The following LONRF2 variants were observed in gnomAD, a reference collection of about 807,000 sequenced individuals.
LONRF2 encodes the protein LON peptidase N-terminal domain and ring finger 2.
In LONRF2, 35 loss-of-function variants were observed where a neutral mutation model predicts 66.6. The observed-to-expected ratio is 0.53, with a 90% CI of 0.40 to 0.70. The LOEUF (loss-of-function observed/expected upper bound fraction) is 0.70, where lower values mean the gene tolerates loss of function less well. Ranked by LOEUF, LONRF2 falls within the 30% of genes least tolerant of loss-of-function variation. LONRF2 has a pLI of 0.00. For synonymous variants in LONRF2, 417 were observed against 418.1 expected, an observed-to-expected ratio of 1.00 and a Z score of 0.03; for missense variants, 902 against 1,002.1, an observed-to-expected ratio of 0.90 and a Z score of 1.35.
intron 11 of LONRF2, 85 bp downstream of exon 11, chr2:100,286,829 T>C (rs2105714412): frequency 6.7e-7 from 1 of 1,482,654 alleles, no homozygotes; most frequent in Non-Finnish European, 9.1e-7. Context: ...ACCAGCATCA[T>C]ACTGCCAAGC....
chr2:100,312,663 C>T (rs1381725028), intron 1 of LONRF2, among the ~76,000 whole-genome samples: 1 of 152,196 alleles, frequency 6.6e-6, no homozygotes, highest in Non-Finnish European at 1.5e-5. Flanking sequence ...AGCCAAAAGG[C>T]CAAGAAACAA....
In LONRF2 at chr2:100,282,878, A is replaced by G. The variant is rs1337592917; in HGVS notation, c.*1420T>C. ...ATCTACTGAAAACTAAAGAAAAATT[A>G]ATAATATTATAAAGTCTTTCTAATA... On this transcript the variant is annotated 3_prime_UTR_variant, in exon 12 of 12. Coordinates refer to ENST00000393437, the MANE Select transcript of LONRF2 (RefSeq NM_198461.4). 3.3e-5 allele frequency: 5 copies of G among 151,018 alleles called. No individual in the cohort carries two copies. Among genetic ancestry groups the G allele is most frequent in the Non-Finnish European group, 5.9e-5 (4 of 67,892 alleles). The allele number at this position is 151,018 out of a possible 1,614,324, so 9.4% of individuals were successfully genotyped here.
intron 10 of LONRF2, among the ~76,000 whole-genome samples, chr2:100,289,151 T>C (rs1674905120): frequency 6.9e-6 from 1 of 143,926 alleles, no homozygotes; most frequent in Non-Finnish European, 1.5e-5. Flanking sequence ...AGACTGCTGT[T>C]CATGAGTCAA....
intron 9 of LONRF2, among the ~76,000 whole-genome samples, chr2:100,292,563 G>A (rs867899350): frequency 2.6e-5 from 4 of 151,988 alleles, no homozygotes; most frequent in Admixed American, 6.6e-5. Context: ...GTTTTTTCTT[G>A]TTTTTCTTGT....
At chr2:100,309,300 T>A in intron 1 of LONRF2, 75 bp from the exon 2 acceptor site, 1 of 820,430 alleles carries the variant, frequency 1.2e-6, no homozygotes, top group Non-Finnish European at 2.0e-6. Flanking sequence ...TCATTACATA[T>A]ATTAAAGTGT....
At chr2:100,302,410 A>G (rs1358854181) in intron 3 of LONRF2, among the ~76,000 whole-genome samples, 1 of 152,320 alleles carries the variant, frequency 6.6e-6, no homozygotes, top group East Asian at 1.9e-4. Context: ...AAACATAAAA[A>G]CATAAAAACG....
At chr2:100,304,324 T>C (rs578226760) in intron 2 of LONRF2, among the ~76,000 whole-genome samples, 8 of 151,964 alleles carry the variant, frequency 5.3e-5, no homozygotes, top group Admixed American at 1.3e-4. Context: ...AATTTTTTTG[T>C]AGACTTGGGG....
intron 11 of LONRF2, among the ~76,000 whole-genome samples, chr2:100,286,451 T>G (rs1317955861): frequency 6.6e-6 from 1 of 152,202 alleles, no homozygotes; most frequent in African/African-American, 2.4e-5. Flanking sequence ...AGAAAGCCCA[T>G]GACAGCTGGG....
In LONRF2 at chr2:100,300,857, T is replaced by C. The variant is rs147952996; in HGVS notation, c.922-70A>G. ...TTTTGTAAAAATATAGTATGTCTTA[T>C]AGATTCAGAGGAAACTAAGAGGCCA... On this transcript the variant is annotated intron_variant, in intron 3 of 11. Coordinates refer to ENST00000393437, the MANE Select transcript of LONRF2 (RefSeq NM_198461.4). 2.5e-5 allele frequency: 31 copies of C among 1,262,396 alleles called. No individual in the cohort carries two copies. The East Asian group carries it at 3.8e-4, about 15-fold the overall frequency. 78.2% of individuals were successfully genotyped at this position (1,262,396 alleles called of 1,614,324 possible). A position where few individuals can be genotyped will look rare whatever the true frequency, so the allele number is the denominator to read the frequency against.
chr2:100,309,955 G>A (rs1675376487), intron 1 of LONRF2, among the ~76,000 whole-genome samples: 1 of 152,170 alleles, frequency 6.6e-6, no homozygotes. Context: ...TTACAGGTGT[G>A]AGCCACCATG....
rs187340188 is a variant in LONRF2, at chr2:100,277,019, G to A, written c.*7279C>T. 4 of 152,328 alleles carry A rather than the reference G, an allele frequency of 2.6e-5. No individual in the cohort carries two copies. The highest frequency in any genetic ancestry group is 1.9e-4 in the East Asian group (1 of 5,188). 9.4% of individuals were successfully genotyped at this position (152,328 alleles called of 1,614,324 possible). On this transcript the variant is annotated 3_prime_UTR_variant, in exon 12 of 12. Transcript: ENST00000393437. ...AAGTCCAACATCTTTAGATACTTTCGAGGTTCTGATGGCAATGTAGTCCTC... is the reference window on the plus strand; with the variant it reads ...AAGTCCAACATCTTTAGATACTTTCAAGGTTCTGATGGCAATGTAGTCCTC...
chr2:100,292,516 T>C (rs1674982809), intron 9 of LONRF2, among the ~76,000 whole-genome samples: 1 of 152,262 alleles, frequency 6.6e-6, no homozygotes, highest in African/African-American at 2.4e-5. Flanking sequence ...CTTCACTCTC[T>C]GATGGCTTCA....
chr2:100,309,258 A>G (rs778368691), intron 1 of LONRF2, 33 bp from the exon 2 acceptor site: 51 of 1,403,804 alleles, frequency 3.6e-5, no homozygotes, highest in Non-Finnish European at 4.9e-5. Flanking sequence ...ATCAATAAAA[A>G]TGACTGCATT....
chr2:100,319,257 A>T (rs914778164), intron 1 of LONRF2, among the ~76,000 whole-genome samples: 12 of 152,244 alleles, frequency 7.9e-5, no homozygotes, highest in African/African-American at 2.9e-4. Flanking sequence ...GTTTTCATAA[A>T]ATTTTAAGCT....
chr2:100,298,768 A>T, intron 7 of LONRF2, 68 bp downstream of exon 7: 3 of 1,158,416 alleles, frequency 2.6e-6, no homozygotes, highest in Non-Finnish European at 3.9e-6. Context: ...GCAACACGAG[A>T]CAGGGAGTAA....
chr2:100,303,412 C>T (rs1394970538), intron 2 of LONRF2, among the ~76,000 whole-genome samples: 1 of 152,202 alleles, frequency 6.6e-6, no homozygotes, highest in Non-Finnish European at 1.5e-5. Flanking sequence ...TGAGCTAAGA[C>T]AGACACGACT....
chr2:100,272,134 G>C lies in LONRF2; in HGVS notation c.*12164C>G, dbSNP rs1028706233. ...TGATTTTTGCCCCATATCCATGTTA[G>C]AGGAAGAACTTAAATATCATTCTCT... On this transcript the variant is annotated 3_prime_UTR_variant, in exon 12 of 12. Transcript: ENST00000393437. 3.3e-5 allele frequency among the ~76,000 whole-genome samples: 5 copies of C among 152,196 alleles called. No homozygotes were observed. Among genetic ancestry groups the C allele is most frequent in the Admixed American group, 2.6e-4 (4 of 15,282 alleles).
rs942350031 is a variant in LONRF2, at chr2:100,276,028, C to T, written c.*8270G>A. 19 of 152,066 alleles carry T rather than the reference C, an allele frequency of 1.2e-4. No individual in the cohort carries two copies. The highest frequency in any genetic ancestry group is 4.6e-4 in the African/African-American group (19 of 41,380). The allele number at this position is 152,066 out of a possible 1,614,324, so 9.4% of individuals were successfully genotyped here. On this transcript the variant is annotated 3_prime_UTR_variant, in exon 12 of 12. Coordinates refer to ENST00000393437, the MANE Select transcript of LONRF2 (RefSeq NM_198461.4). ...ACATATGCAGCTAAACGGAAGGTCC[C>T]TAATCTGATCCAATTAGAAATCCAA...
Position 100,284,101 on chromosome 2 carries a change from G to A in LONRF2, c.*197C>T, listed in dbSNP as rs1674794907. 1.9e-6 allele frequency: 1 copy of A among 528,626 alleles called. No individual in the cohort carries two copies. Among genetic ancestry groups the A allele is most frequent in the Non-Finnish European group, 3.3e-6 (1 of 301,638 alleles). 32.7% of individuals were successfully genotyped at this position (528,626 alleles called of 1,614,324 possible). On this transcript the variant is annotated 3_prime_UTR_variant, in exon 12 of 12. Transcript: ENST00000393437. ...AACTATGGGCTCCATTCAGACTTCAGGCTAACCTCACACAAGGTCAGATCC... is the reference window on the plus strand; with the variant it reads ...AACTATGGGCTCCATTCAGACTTCAAGCTAACCTCACACAAGGTCAGATCC...
Sources: allele counts gnomAD v4.1 joint callset (sites outside exome capture counted in the v4.1 genomes callset), GRCh38; gene constraint gnomAD v4.1.1; transcripts MANE v1.5; gene names NCBI Gene and HGNC (gene_info 2026-07-23, HGNC 2026-07-21).